Variants in MEP1A observed in about 807,000 individuals in gnomAD.
MEP1A encodes the protein meprin A subunit alpha, also known as N-benzoyl-L-tyrosyl-P-amino-benzoic acid hydrolase subunit alpha.
In MEP1A, 68 loss-of-function variants were observed where a neutral mutation model predicts 84.5. The observed-to-expected ratio is 0.80, with a 90% confidence interval of 0.66 to 0.98. MEP1A has a LOEUF of 0.98. MEP1A is among the 50% of genes least tolerant of loss of function. The pLI is 0.00. For missense variants in MEP1A, 887 were observed against 919.9 expected, an observed-to-expected ratio of 0.96 and a Z score of 0.46; for synonymous variants, 337 against 336.8, an observed-to-expected ratio of 1.00 and a Z score of -0.01.
At chr6:46,830,276 A>T (rs1368410857) in intron 10 of MEP1A, among the ~76,000 whole-genome samples, 7 of 146,746 alleles carry the variant, frequency 4.8e-5, no homozygotes, top group African/African-American at 1.8e-4. Context: ...AAAAAAAAAA[A>T]AAAAATTGAC....
intron 3 of MEP1A, among the ~76,000 whole-genome samples, chr6:46,794,902 T>G (rs1218613833): frequency 2.0e-5 from 3 of 152,224 alleles, no homozygotes; most frequent in Non-Finnish European, 4.4e-5. Context: ...TTTTGTACTC[T>G]TTAGGCCCAC....
At chr6:46,821,151 TAG>T (rs1181136233) in intron 7 of MEP1A, among the ~76,000 whole-genome samples, 1 of 152,104 alleles carries the variant, frequency 6.6e-6, no homozygotes, top group Non-Finnish European at 1.5e-5. Flanking sequence ...GAGATGAGGG[TAG>T]AGAGGGCTAA....
intron 5 of MEP1A, among the ~76,000 whole-genome samples, chr6:46,801,393 A>G (rs79616400): frequency 0.017 from 2,597 of 152,184 alleles, 125 homozygotes; most frequent in East Asian, 0.11. Context: ...ACATTTTAGT[A>G]TGCTACTGGC....
At chr6:46,828,467 C>A (rs538857572) in intron 9 of MEP1A, among the ~76,000 whole-genome samples, 92 of 152,262 alleles carry the variant, frequency 6.0e-4, no homozygotes, top group African/African-American at 2.2e-3. Context: ...GGGAGCATCA[C>A]GGAGCAACGC....
intron 6 of MEP1A, among the ~76,000 whole-genome samples, chr6:46,812,232 C>T (rs1767520831): frequency 6.6e-6 from 1 of 151,960 alleles, no homozygotes; most frequent in Admixed American, 6.6e-5. Flanking sequence ...TTATCCATCT[C>T]TTCTAGGTTT....
chr6:46,810,404 C>T (rs1036851949), intron 6 of MEP1A, among the ~76,000 whole-genome samples: 5 of 151,996 alleles, frequency 3.3e-5, no homozygotes, highest in South Asian at 2.1e-4. Context: ...AAATTTTCTC[C>T]CACTCTGTGG....
At chr6:46,815,275 G>A (rs561212934) in intron 6 of MEP1A, among the ~76,000 whole-genome samples, 12 of 152,256 alleles carry the variant, frequency 7.9e-5, no homozygotes, top group African/African-American at 2.9e-4. Context: ...GGCTGTTGTG[G>A]GGAATGGGGG....
At chr6:46,836,401 G>A (rs749441321) in intron 13 of MEP1A, among the ~76,000 whole-genome samples, 1 of 152,162 alleles carries the variant, frequency 6.6e-6, no homozygotes, top group Non-Finnish European at 1.5e-5. Context: ...TTTCTTCTGA[G>A]TTCTTTTTAG....
Position 46,825,133 on chromosome 6 carries a change from T to G in MEP1A, c.557-139T>G, listed in dbSNP as rs888885485. On this transcript the variant is annotated intron_variant, in intron 7 of 13. Transcript: ENST00000230588. ...TCTATTTAAATATTTATAAATTATG[T>G]ATTTAAATAAATCTATTTAATATAT... The G allele has an allele frequency of 1.4e-5, 3 of 208,446 alleles. 1 individual carries two copies. The highest frequency in any genetic ancestry group is 7.2e-5 in the African/African-American group (3 of 41,486). The allele number at this position is 208,446 out of a possible 1,614,324, so 12.9% of individuals were successfully genotyped here.
At chr6:46,827,618 C>T (rs115594584) in intron 9 of MEP1A, among the ~76,000 whole-genome samples, 78 of 152,282 alleles carry the variant, frequency 5.1e-4, no homozygotes, top group African/African-American at 1.8e-3. Flanking sequence ...ACCAGGCCAC[C>T]ACAGGGAATG....
At chr6:46,800,603 T>A (rs970484620) in intron 5 of MEP1A, among the ~76,000 whole-genome samples, 6 of 152,212 alleles carry the variant, frequency 3.9e-5, no homozygotes, top group Non-Finnish European at 7.3e-5. Context: ...ACCTTTAGTG[T>A]TAAAGTTCAG....
downstream of MEP1A, among the ~76,000 whole-genome samples, chr6:46,840,663 G>A (rs1369145216): frequency 6.6e-6 from 1 of 152,168 alleles, no homozygotes; most frequent in African/African-American, 2.4e-5. Context: ...CTTGTCAAAT[G>A]GAAATAATAG....
chr6:46,835,265 C>A lies in MEP1A; in HGVS notation c.1800C>A (p.Ser600Arg). The A allele has an allele frequency of 6.3e-7, 1 of 1,598,534 alleles. No homozygotes were observed. Among genetic ancestry groups the A allele is most frequent in the African/African-American group, 1.3e-5 (1 of 74,540 alleles). The change falls in exon 13 of 14, where the codon AGC becomes AGA. Residue 600 changes from serine to arginine, a missense_variant. Coordinates refer to ENST00000230588, the MANE Select transcript of MEP1A (RefSeq NM_005588.3). ...FVDFEDITHL[S>R]QTEVPTKGKR... ...TTCCTGAAGATATCACCCACCTCAG[C>A]CAGACTGAAGTTCCCACTAAAGGCA... is the stretch of plus-strand genomic sequence containing the variant.
chr6:46,802,185 A>C (rs910094306), intron 5 of MEP1A, among the ~76,000 whole-genome samples: 1 of 151,918 alleles, frequency 6.6e-6, no homozygotes, highest in African/African-American at 2.4e-5. Flanking sequence ...TAATTTCTTA[A>C]AAATATTGAG....
chr6:46,802,050 C>T (rs1288219190), intron 5 of MEP1A, among the ~76,000 whole-genome samples: 1 of 151,926 alleles, frequency 6.6e-6, no homozygotes, highest in Non-Finnish European at 1.5e-5. Flanking sequence ...TCTCCAATTT[C>T]AAGACTGTTT....
intron 7 of MEP1A, among the ~76,000 whole-genome samples, chr6:46,819,943 GA>G (rs1767729590): frequency 6.6e-6 from 1 of 152,200 alleles, no homozygotes; most frequent in Admixed American, 6.5e-5. Context: ...AAGTTAACCA[GA>G]AGCTTTGCTT....
At chr6:46,813,411 G>T (rs978823451) in intron 6 of MEP1A, among the ~76,000 whole-genome samples, 7 of 152,060 alleles carry the variant, frequency 4.6e-5, no homozygotes, top group African/African-American at 1.7e-4. Context: ...AAGTTCCACA[G>T]CATTAAATGC....
chr6:46,798,986 G>A, intron 4 of MEP1A, 120 bp from the exon 5 acceptor site: 1 of 680,980 alleles, frequency 1.5e-6, no homozygotes, highest in Non-Finnish European at 2.6e-6. Flanking sequence ...AAGACAAATT[G>A]CCACTAAACT....
chr6:46,837,458 C>G (rs994334119), intron 13 of MEP1A, among the ~76,000 whole-genome samples: 1 of 152,188 alleles, frequency 6.6e-6, no homozygotes, highest in African/African-American at 2.4e-5. Flanking sequence ...CCTGCCCCAC[C>G]CATAGAATCA....
Sources: gnomAD v4.1 joint callset for allele counts (sites outside exome capture counted in the v4.1 genomes callset) on GRCh38, gnomAD v4.1.1 for gene constraint, MANE v1.5 for transcripts, NCBI Gene and HGNC (gene_info 2026-07-23, HGNC 2026-07-21) for gene names.